The following CNTN4 variants were observed in gnomAD, a reference collection of about 807,000 sequenced individuals.
The protein encoded by CNTN4 is contactin 4.
CNTN4 carries 77 observed loss-of-function variants against 122.5 expected under a neutral mutation model. The ratio of observed to expected loss-of-function variants is 0.63; its 90% CI spans 0.52 to 0.76. CNTN4 has a LOEUF of 0.76. Among genes scored for constraint, CNTN4 ranks in the 30% least tolerant of loss-of-function variants. CNTN4 has a pLI of 0.00. For missense variants in CNTN4, 1,256 were observed against 1,259.1 expected (o/e 1.00, Z 0.04); for synonymous variants, 512 against 447.0 (o/e 1.15, Z -1.83).
chr3:2,671,641 T>A (rs2084521124), intron 4 of CNTN4, among the ~76,000 whole-genome samples: 2 of 152,230 alleles, frequency 1.3e-5, no homozygotes, highest in South Asian at 4.1e-4. Context: ...AGGAGCTGCG[T>A]TCCTTTGGAG....
chr3:2,983,041 T>G (rs574573977), intron 13 of CNTN4, among the ~76,000 whole-genome samples: 2 of 151,044 alleles, frequency 1.3e-5, no homozygotes, highest in South Asian at 2.1e-4. Context: ...GGTGAAAACC[T>G]GTCTCTACTA....
intron 2 of CNTN4, among the ~76,000 whole-genome samples, chr3:2,291,706 A>G (rs970260088): frequency 2.0e-5 from 3 of 151,858 alleles, no homozygotes; most frequent in South Asian, 4.2e-4. Context: ...ATTTGTTTTG[A>G]ACTATAATAT....
At chr3:2,264,428 G>A (rs1009334783) in intron 2 of CNTN4, among the ~76,000 whole-genome samples, 3 of 151,978 alleles carry the variant, frequency 2.0e-5, no homozygotes, top group African/African-American at 4.8e-5. Context: ...TTTAAAAAAT[G>A]TCTATTTGGG....
At chr3:2,426,248 A>G (rs957732081) in intron 3 of CNTN4, among the ~76,000 whole-genome samples, 39 of 152,120 alleles carry the variant, frequency 2.6e-4, no homozygotes, top group African/African-American at 9.2e-4. Context: ...TCCCATCAAT[A>G]CCTAATTTGT....
At chr3:2,327,991 A>T (rs745993884) in intron 2 of CNTN4, among the ~76,000 whole-genome samples, 5 of 152,250 alleles carry the variant, frequency 3.3e-5, no homozygotes, top group Non-Finnish European at 5.9e-5. Context: ...TTATACCCAG[A>T]GGAAAGCAAT....
chr3:2,332,352 A>G (rs947869304), intron 2 of CNTN4, among the ~76,000 whole-genome samples: 4 of 152,118 alleles, frequency 2.6e-5, no homozygotes, highest in African/African-American at 9.7e-5. Flanking sequence ...AAATAAGTAT[A>G]ATATTAATAG....
chr3:2,678,397 A>G (rs762945299), intron 4 of CNTN4, among the ~76,000 whole-genome samples: 7 of 152,158 alleles, frequency 4.6e-5, no homozygotes, highest in East Asian at 1.9e-4. Flanking sequence ...TATATTATAC[A>G]TGTTCGACTT....
intron 2 of CNTN4, among the ~76,000 whole-genome samples, chr3:2,273,132 C>T (rs9876662): frequency 0.024 from 3,629 of 152,218 alleles, 139 homozygotes; most frequent in African/African-American, 0.083. Flanking sequence ...TTTGTGATGC[C>T]ATCCAAAAGG....
intron 2 of CNTN4, among the ~76,000 whole-genome samples, chr3:2,302,758 C>T (rs2042569823): frequency 6.6e-6 from 1 of 152,076 alleles, no homozygotes; most frequent in South Asian, 2.1e-4. Context: ...TCACTTTGTC[C>T]CATGTGGAAG....
At chr3:2,976,014 A>G (rs1693384980) in intron 13 of CNTN4, among the ~76,000 whole-genome samples, 1 of 152,212 alleles carries the variant, frequency 6.6e-6, no homozygotes, top group Non-Finnish European at 1.5e-5. Context: ...GCAATTTAAG[A>G]AACAAATTTT....
intron 2 of CNTN4, among the ~76,000 whole-genome samples, chr3:2,120,374 A>ATATAT (rs2033653105): frequency 1.7e-5 from 1 of 59,100 alleles, no homozygotes; most frequent in Non-Finnish European, 3.2e-5. Flanking sequence ...TATATATATA[A>ATATAT]ATATATATAT....
chr3:2,169,690 C>G (rs1023205010), intron 2 of CNTN4, among the ~76,000 whole-genome samples: 2 of 152,120 alleles, frequency 1.3e-5, no homozygotes, highest in Non-Finnish European at 2.9e-5. Context: ...AGCCACCGCG[C>G]CCGGCCTAGA....
chr3:2,675,663 G>A (rs1293403087), intron 4 of CNTN4, among the ~76,000 whole-genome samples: 1 of 152,154 alleles, frequency 6.6e-6, no homozygotes, highest in Non-Finnish European at 1.5e-5. Context: ...AGTACACATT[G>A]AATGGGAGGA....
intron 2 of CNTN4, among the ~76,000 whole-genome samples, chr3:2,170,257 T>C (rs559979693): frequency 1.3e-4 from 20 of 151,862 alleles, no homozygotes; most frequent in Admixed American, 2.6e-4. Flanking sequence ...GAGGCGGAGC[T>C]TGCAGTGAGC....
chr3:2,108,572 G>A (rs1047284149), intron 2 of CNTN4, among the ~76,000 whole-genome samples: 1 of 152,120 alleles, frequency 6.6e-6, no homozygotes, highest in Non-Finnish European at 1.5e-5. Flanking sequence ...GTGGATAACA[G>A]CTTGAAATTT....
At chr3:2,401,159 A>T (rs935815421) in intron 3 of CNTN4, among the ~76,000 whole-genome samples, 5 of 152,160 alleles carry the variant, frequency 3.3e-5, no homozygotes, top group African/African-American at 1.2e-4. Flanking sequence ...GCTTCTTAGT[A>T]GACTTTGCAG....
chr3:2,749,518 T>C (rs1333958335), intron 6 of CNTN4, among the ~76,000 whole-genome samples: 1 of 152,154 alleles, frequency 6.6e-6, no homozygotes, highest in Non-Finnish European at 1.5e-5. Flanking sequence ...TTTTCTCATT[T>C]ATTATTTCAC....
chr3:2,358,679 G>A (rs774091052), intron 3 of CNTN4, among the ~76,000 whole-genome samples: 1 of 151,872 alleles, frequency 6.6e-6, no homozygotes, highest in Non-Finnish European at 1.5e-5. Context: ...GCAAATAATG[G>A]CAACACAAAT....
At chr3:3,028,095 T>C (rs979829600) in intron 15 of CNTN4, among the ~76,000 whole-genome samples, 2 of 152,184 alleles carry the variant, frequency 1.3e-5, no homozygotes, top group Admixed American at 6.5e-5. Context: ...AAGCGCAATT[T>C]TGAAGTCAAG....
Sources: allele counts gnomAD v4.1 joint callset (sites outside exome capture counted in the v4.1 genomes callset), GRCh38; gene constraint gnomAD v4.1.1; transcripts MANE v1.5; gene names NCBI Gene and HGNC (gene_info 2026-07-23, HGNC 2026-07-21).